CLIC5: variants seen among roughly 807,000 people sequenced by gnomAD.
CLIC5 encodes chloride intracellular channel protein 5.
CLIC5 carries 20 observed loss-of-function variants against 24.7 expected under a neutral mutation model. That is an observed-to-expected ratio of 0.81 (90% CI 0.57 to 1.18). The LOEUF (loss-of-function observed/expected upper bound fraction) is 1.18. CLIC5 is among the 50% of genes most tolerant of loss of function. The pLI is 0.00. For missense variants in CLIC5, 341 were observed against 326.1 expected (o/e 1.05, Z -0.35); for synonymous variants, 159 against 135.6 (o/e 1.17, Z -1.20).
the CLIC5 span, among the ~76,000 whole-genome samples, chr6:46,115,195 G>A: frequency 6.6e-6 from 1 of 152,130 alleles, no homozygotes; most frequent in Non-Finnish European, 1.5e-5. Flanking sequence ...TTTATGGGCA[G>A]TCAGCAATGA....
chr6:45,982,819 C>A (rs1239946370), intron 1 of CLIC5, among the ~76,000 whole-genome samples: 1 of 152,146 alleles, frequency 6.6e-6, no homozygotes, highest in Non-Finnish European at 1.5e-5. Context: ...TAATAAGGGA[C>A]ATTTAAGAAG....
At chr6:46,042,102 T>C (rs1317675518) in intron 1 of CLIC5, among the ~76,000 whole-genome samples, 1 of 152,186 alleles carries the variant, frequency 6.6e-6, no homozygotes, top group Non-Finnish European at 1.5e-5. Context: ...TATTGATTTT[T>C]GTCTCATGTC....
exon 1 of CLIC5, chr6:46,079,767 T>A: frequency 6.4e-7 from 1 of 1,551,954 alleles, no homozygotes; most frequent in East Asian, 2.4e-5. Flanking sequence ...ACCTTCAGCA[T>A]CAGAATAGCA....
At chr6:46,036,209 GTTTA>G (rs1041070893) in intron 1 of CLIC5, among the ~76,000 whole-genome samples, 214 of 151,292 alleles carry the variant, frequency 1.4e-3, no homozygotes, top group African/African-American at 4.9e-3. Context: ...TTATTTGGCA[GTTTA>G]TTTATTTTAC....
intron 1 of CLIC5, among the ~76,000 whole-genome samples, chr6:46,064,997 G>A (rs1762401830): frequency 6.6e-6 from 1 of 152,018 alleles, no homozygotes; most frequent in Non-Finnish European, 1.5e-5. Context: ...TGAAAAGTCA[G>A]GCCATACTTA....
the CLIC5 span, among the ~76,000 whole-genome samples, chr6:46,101,275 C>T: frequency 1.3e-5 from 2 of 152,182 alleles, no homozygotes; most frequent in Non-Finnish European, 2.9e-5. Flanking sequence ...ATAATCTGAT[C>T]ACTTCATCAT....
chr6:46,015,726 G>A lies in CLIC5; in HGVS notation c.-184C>T. 8.0e-7 allele frequency: 1 copy of A among 1,251,052 alleles called. No homozygotes were observed. The highest frequency in any genetic ancestry group is 3.2e-5 in the South Asian group (1 of 31,198). The allele number at this position is 1,251,052 out of a possible 1,614,324, so 77.5% of individuals were successfully genotyped here. On this transcript the variant is annotated 5_prime_UTR_variant, in exon 1 of 6. Coordinates refer to ENST00000339561, the MANE Select transcript of CLIC5 (RefSeq NM_016929.5). Reference sequence around the variant, plus strand: ...GGTCTGAGAGATCAGTGTCCCAGATGCTCACATGAAAAGGAGCGAAGCCGG... The same window carrying A: ...GGTCTGAGAGATCAGTGTCCCAGATACTCACATGAAAAGGAGCGAAGCCGG...
the CLIC5 span, among the ~76,000 whole-genome samples, chr6:46,118,316 G>C: frequency 1.3e-4 from 20 of 152,272 alleles, no homozygotes; most frequent in African/African-American, 4.3e-4. Context: ...CTTTCTCCCA[G>C]GGTCTAACAC....
chr6:45,896,460 A>C (rs1272902482), downstream of CLIC5, among the ~76,000 whole-genome samples: 1 of 152,250 alleles, frequency 6.6e-6, no homozygotes, highest in Non-Finnish European at 1.5e-5. Flanking sequence ...TGGTAATTTA[A>C]TGATGGACCT....
chr6:45,912,121 T>C, intron 5 of CLIC5: 1 of 986,398 alleles, frequency 1.0e-6, no homozygotes, highest in Non-Finnish European at 1.2e-6. Context: ...TGAAAACAGT[T>C]AGCTCCCACA....
the CLIC5 span, among the ~76,000 whole-genome samples, chr6:46,108,183 GT>G: frequency 1.3e-5 from 2 of 151,956 alleles, no homozygotes; most frequent in African/African-American, 4.8e-5. Context: ...TGCTTATAAG[GT>G]TTTATTAAAA....
chr6:45,945,264 C>A (rs534223942), intron 3 of CLIC5, among the ~76,000 whole-genome samples: 33 of 152,090 alleles, frequency 2.2e-4, no homozygotes, highest in Non-Finnish European at 3.7e-4. Context: ...CAGTATGGTT[C>A]TTGTTTTAAA....
At chr6:46,082,859 T>C (rs543075746), upstream of CLIC5, among the ~76,000 whole-genome samples, 2 of 152,298 alleles carry the variant, frequency 1.3e-5, no homozygotes, top group Admixed American at 1.3e-4. Flanking sequence ...CATAACTTAT[T>C]TTTTATGTCT....
intron 4 of CLIC5, chr6:45,920,456 T>C (rs923499380): frequency 5.8e-5 from 23 of 394,916 alleles, no homozygotes; most frequent in Admixed American, 1.9e-4. Context: ...ATCATGTTGA[T>C]ATAACCAAAG....
At chr6:46,082,377 A>G (rs1041270348), upstream of CLIC5, among the ~76,000 whole-genome samples, 1 of 152,228 alleles carries the variant, frequency 6.6e-6, no homozygotes, top group African/African-American at 2.4e-5. Context: ...ATATGAAACA[A>G]GTCCTTCCGT....
At chr6:45,996,263 T>A (rs1392601899) in intron 1 of CLIC5, among the ~76,000 whole-genome samples, 1 of 151,818 alleles carries the variant, frequency 6.6e-6, no homozygotes, top group Non-Finnish European at 1.5e-5. Flanking sequence ...GTCAGATGAG[T>A]AGGTTGCAAA....
intron 1 of CLIC5, among the ~76,000 whole-genome samples, chr6:46,005,065 G>A (rs538055602): frequency 6.6e-6 from 1 of 152,342 alleles, no homozygotes; most frequent in East Asian, 1.9e-4. Context: ...AGCAGACGTG[G>A]ACATTGACAG....
At chr6:45,977,948 G>A (rs1765439603) in intron 1 of CLIC5, among the ~76,000 whole-genome samples, 1 of 152,216 alleles carries the variant, frequency 6.6e-6, no homozygotes, top group African/African-American at 2.4e-5. Flanking sequence ...CCTGTAGCTT[G>A]CTGCAGTGGT....
intron 1 of CLIC5, among the ~76,000 whole-genome samples, chr6:46,043,824 T>A (rs1017749834): frequency 3.3e-5 from 5 of 152,140 alleles, no homozygotes; most frequent in African/African-American, 1.2e-4. Flanking sequence ...TACACTGAGG[T>A]ATGGCAAGGA....
Sources: gnomAD v4.1 joint callset for allele counts (sites outside exome capture counted in the v4.1 genomes callset) on GRCh38, gnomAD v4.1.1 for gene constraint, MANE v1.5 for transcripts, NCBI Gene and HGNC (gene_info 2026-07-23, HGNC 2026-07-21) for gene names.